INVS: variants seen among roughly 807,000 people sequenced by gnomAD.
The protein encoded by INVS is inversin.
INVS carries 86 observed loss-of-function variants against 108.8 expected under a neutral mutation model. The ratio of observed to expected loss-of-function variants is 0.79; its 90% CI spans 0.66 to 0.95. The LOEUF is 0.95. Among genes scored for constraint, INVS ranks in the 40% least tolerant of loss-of-function variants. The pLI is 0.00. For synonymous variants in INVS, 455 were observed against 473.5 expected, an observed-to-expected ratio of 0.96 and a Z score of 0.51; for missense variants, 1,169 against 1,297.4, an observed-to-expected ratio of 0.90 and a Z score of 1.52.
At chr9:100,245,937 G>A (rs1832031204) in intron 7 of INVS, among the ~76,000 whole-genome samples, 2 of 152,094 alleles carry the variant, frequency 1.3e-5, no homozygotes, top group South Asian at 4.1e-4. Flanking sequence ...GGCCAAGATG[G>A]ATGGATCACT....
chr9:100,301,002 G>T lies in INVS; in HGVS notation c.*328G>T, dbSNP rs180972101. On this transcript the variant is annotated 3_prime_UTR_variant, in exon 17 of 17. Transcript: ENST00000262457. ...AACAGCAAAATCTAAGGAAAACTAC[G>T]GCTGCTGGGTTGGGATTTCTGCCAG... 3.2e-6 allele frequency: 1 copy of T among 311,376 alleles called. No homozygotes were observed. The highest frequency in any genetic ancestry group is 6.1e-6 in the Non-Finnish European group (1 of 164,090). 19.3% of individuals were successfully genotyped at this position (311,376 alleles called of 1,614,324 possible). A position where few individuals can be genotyped will look rare whatever the true frequency, so the allele number is the denominator to read the frequency against.
intron 3 of INVS, among the ~76,000 whole-genome samples, chr9:100,172,634 G>A (rs1283207920): frequency 1.3e-5 from 2 of 152,110 alleles, no homozygotes; most frequent in Non-Finnish European, 2.9e-5. Context: ...CAGCAGGAGG[G>A]GACATTGAGC....
At chr9:100,249,644 A>G (rs1396089268) in intron 8 of INVS, among the ~76,000 whole-genome samples, 3 of 151,732 alleles carry the variant, frequency 2.0e-5, no homozygotes, top group Non-Finnish European at 4.4e-5. Flanking sequence ...ACAGGTGCCC[A>G]CCACTATGCT....
intron 3 of INVS, among the ~76,000 whole-genome samples, chr9:100,143,921 T>C (rs1828516216): frequency 6.6e-6 from 1 of 152,050 alleles, no homozygotes; most frequent in East Asian, 1.9e-4. Context: ...CGTGATGGTT[T>C]AGGGGGCTTC....
At chr9:100,180,819 A>G (rs904427399) in intron 3 of INVS, among the ~76,000 whole-genome samples, 2 of 152,142 alleles carry the variant, frequency 1.3e-5, no homozygotes, top group African/African-American at 4.8e-5. Context: ...TGGCAGAGAC[A>G]CAACAAAAAA....
At chr9:100,232,822 G>T (rs919287895) in intron 5 of INVS, among the ~76,000 whole-genome samples, 2 of 152,126 alleles carry the variant, frequency 1.3e-5, no homozygotes, top group Non-Finnish European at 2.9e-5. Context: ...GCTTAGGATT[G>T]TCTTGGCTAT....
At chr9:100,131,591 G>C (rs904320907) in intron 3 of INVS, among the ~76,000 whole-genome samples, 1 of 152,132 alleles carries the variant, frequency 6.6e-6, no homozygotes, top group South Asian at 2.1e-4. Flanking sequence ...GAAATGTTTT[G>C]CTCCAGGGAG....
At chr9:100,267,618 C>A (rs1287316634) in intron 11 of INVS, among the ~76,000 whole-genome samples, 1 of 152,208 alleles carries the variant, frequency 6.6e-6, no homozygotes, top group Non-Finnish European at 1.5e-5. Context: ...CTTCTGCTGA[C>A]TTTCAGTCAA....
intron 3 of INVS, among the ~76,000 whole-genome samples, chr9:100,137,270 C>T (rs900776037): frequency 1.3e-5 from 2 of 152,080 alleles, no homozygotes; most frequent in African/African-American, 4.8e-5. Flanking sequence ...GCAGGGGAGA[C>T]TGGATAGGAA....
chr9:100,263,103 T>C (rs1286914018), intron 10 of INVS, among the ~76,000 whole-genome samples: 4 of 152,152 alleles, frequency 2.6e-5, no homozygotes, highest in African/African-American at 9.7e-5. Context: ...CTTTTTTATT[T>C]TCTAACTTCT....
chr9:100,297,472 C>T (rs1160042921), intron 15 of INVS, among the ~76,000 whole-genome samples: 1 of 152,160 alleles, frequency 6.6e-6, no homozygotes, highest in Non-Finnish European at 1.5e-5. Flanking sequence ...CTCCTCCTTG[C>T]ATTACCCATT....
rs1182119298 is a variant in INVS, at chr9:100,301,119, C to T, written c.*445C>T. The T allele has an allele frequency of 4.5e-6, 1 of 224,160 alleles. No homozygotes were observed. The highest frequency in any genetic ancestry group is 8.7e-6 in the Non-Finnish European group (1 of 114,612). 13.9% of individuals were successfully genotyped at this position (224,160 alleles called of 1,614,324 possible). On this transcript the variant is annotated 3_prime_UTR_variant, in exon 17 of 17. Transcript: ENST00000262457. Reference sequence around the variant, plus strand: ...AGCCTTCCTCTCACTACTTTCCTGGCATCTAATGCAACAAACTTATCACAC... The same window carrying T: ...AGCCTTCCTCTCACTACTTTCCTGGTATCTAATGCAACAAACTTATCACAC...
At chr9:100,292,136 C>T (rs768491311) in intron 13 of INVS, among the ~76,000 whole-genome samples, 190 bp from the exon 14 acceptor site, 1 of 152,070 alleles carries the variant, frequency 6.6e-6, no homozygotes, top group East Asian at 1.9e-4. Flanking sequence ...TTCGTTAAGG[C>T]GAGAAGGGCT....
At chr9:100,287,385 A>G (rs1228729731) in intron 13 of INVS, among the ~76,000 whole-genome samples, 5 of 152,240 alleles carry the variant, frequency 3.3e-5, no homozygotes, top group Non-Finnish European at 7.3e-5. Context: ...GTCGAGAAAT[A>G]GATTCCACCT....
chr9:100,266,988 G>GGAGAGCTGAA (rs1371053913), intron 11 of INVS, among the ~76,000 whole-genome samples: 30 of 142,080 alleles, frequency 2.1e-4, no homozygotes, highest in Non-Finnish European at 3.2e-4. Context: ...CTCATTAGAG[G>GGAGAGCTGAA]GAGAGCTGAA....
At chr9:100,103,459 G>A (rs533538666) in intron 1 of INVS, among the ~76,000 whole-genome samples, 7 of 151,670 alleles carry the variant, frequency 4.6e-5, no homozygotes, top group East Asian at 3.9e-4. Context: ...AAACCCCGTC[G>A]CTACTAAAAA....
At chr9:100,264,735 G>T (rs1053820063) in intron 10 of INVS, 87 bp from the exon 11 acceptor site, 35 of 896,444 alleles carry the variant, frequency 3.9e-5, no homozygotes, top group Admixed American at 1.5e-4. Context: ...AAAAATGATT[G>T]CTTATATTAA....
At chr9:100,231,969 A>G (rs988150341) in intron 5 of INVS, among the ~76,000 whole-genome samples, 1 of 152,162 alleles carries the variant, frequency 6.6e-6, no homozygotes, top group Non-Finnish European at 1.5e-5. Flanking sequence ...CACTCCACCA[A>G]CAGTGTAAAA....
intron 3 of INVS, among the ~76,000 whole-genome samples, chr9:100,168,825 G>A (rs1829447166): frequency 6.6e-6 from 1 of 152,094 alleles, no homozygotes. Context: ...TAAATCTATG[G>A]AACTTTAAAT....
Sources: allele counts gnomAD v4.1 joint callset (sites outside exome capture counted in the v4.1 genomes callset), GRCh38; gene constraint gnomAD v4.1.1; transcripts MANE v1.5; gene names NCBI Gene and HGNC (gene_info 2026-07-23, HGNC 2026-07-21).